The following FBXO7 variants were observed in gnomAD, a reference collection of about 807,000 sequenced individuals.
FBXO7 encodes the protein F-box only protein 7.
In FBXO7, 31 loss-of-function variants were observed where a neutral mutation model predicts 50.2. The observed-to-expected ratio is 0.62, with a 90% CI of 0.46 to 0.83. The LOEUF is 0.83. Ranked by LOEUF, FBXO7 falls within the 40% of genes least tolerant of loss-of-function variation. The pLI is 0.00. For missense variants in FBXO7, 667 were observed against 646.6 expected, an observed-to-expected ratio of 1.03 and a Z score of -0.34; for synonymous variants, 256 against 253.1, an observed-to-expected ratio of 1.01 and a Z score of -0.11.
Position 32,483,971 on chromosome 22 carries a change from T to C in FBXO7, c.492T>C (p.Tyr164=), listed in dbSNP as rs2057481278. 1 of 1,614,212 alleles carries C rather than the reference T, an allele frequency of 6.2e-7. No individual in the cohort carries two copies. The highest frequency in any genetic ancestry group is 8.5e-7 in the Non-Finnish European group (1 of 1,180,028). The change falls in exon 3 of 9, where the codon TAT becomes TAC. Residue 164 remains tyrosine, a synonymous_variant. Coordinates refer to ENST00000266087, the MANE Select transcript of FBXO7 (RefSeq NM_012179.4). The part of the protein sequence containing the change: ...NAHMAEGTGF[Y]PSEPMLCSES... ...ATATGGCAGAGGGCACAGGTTTCTA[T>C]CCCTCAGAACCCATGCTCTGTAGTG...
chr22:32,491,063 T>C (rs2146000114), intron 5 of FBXO7, 23 bp from the exon 6 acceptor site: 1 of 1,578,028 alleles, frequency 6.3e-7, no homozygotes, highest in East Asian at 2.2e-5. Flanking sequence ...TGGGTTTTGA[T>C]TTTACTTTAA....
At chr22:32,475,423 A>G (rs2145984223) in intron 1 of FBXO7, 1 of 1,610,352 alleles carries the variant, frequency 6.2e-7, no homozygotes, top group African/African-American at 1.3e-5. Context: ...CTGGTTTTGC[A>G]GTAAACGGAA....
intron 1 of FBXO7, chr22:32,475,930 G>A (rs190507512): frequency 6.6e-6 from 1 of 152,472 alleles, no homozygotes; most frequent in East Asian, 1.9e-4. Flanking sequence ...ACTTTTTGGG[G>A]ACAATAATTT....
At position 32,498,613 on chromosome 22, in the gene FBXO7, A is replaced by G; in HGVS notation, c.*83A>G. On this transcript the variant is annotated 3_prime_UTR_variant, in exon 9 of 9. Coordinates refer to ENST00000266087, the MANE Select transcript of FBXO7 (RefSeq NM_012179.4). ...TCAACTCCTTGGGGTGCTGATCTCG[A>G]GTGTTATTTTCTGATTGTGGTGTTG... 6.8e-7 allele frequency: 1 copy of G among 1,477,878 alleles called. No individual in the cohort carries two copies. The allele number at this position is 1,477,878 out of a possible 1,614,324, so 91.5% of individuals were successfully genotyped here.
At chr22:32,491,405 A>T in intron 6 of FBXO7, 1 of 478,040 alleles carries the variant, frequency 2.1e-6, no homozygotes, top group South Asian at 2.3e-5. Flanking sequence ...CATGGACTAT[A>T]ATTGTTGATA....
At chr22:32,476,679 GT>G (rs1361595510) in intron 1 of FBXO7, among the ~76,000 whole-genome samples, 1 of 147,730 alleles carries the variant, frequency 6.8e-6, no homozygotes, top group African/African-American at 2.4e-5. Flanking sequence ...TATTTGTTTT[GT>G]TTTTGTTTTT....
Position 32,493,236 on chromosome 22 carries a change from A to C in FBXO7, c.1099A>C (p.Asn367His). The change falls in exon 7 of 9, where the codon AAT (asparagine) becomes CAT (histidine). Residue 367 changes from asparagine to histidine, a missense_variant. Coordinates refer to ENST00000266087, the MANE Select transcript of FBXO7 (RefSeq NM_012179.4). ...AVCRDLFTAS[N>H]DPLLWRFLYL... is the part of the protein sequence containing the mutation. Reference sequence around the variant, plus strand: ...TTGTCGTGACCTCTTTACTGCTTCAAATGACCCACTCCTGTGGAGGTTTTT... The same window carrying C: ...TTGTCGTGACCTCTTTACTGCTTCACATGACCCACTCCTGTGGAGGTTTTT... 6.2e-7 allele frequency: 1 copy of C among 1,614,100 alleles called. No individual in the cohort carries two copies. Among genetic ancestry groups the C allele is most frequent in the Non-Finnish European group, 8.5e-7 (1 of 1,179,976 alleles).
intron 4 of FBXO7, among the ~76,000 whole-genome samples, chr22:32,486,614 G>A (rs532745240): frequency 1.3e-5 from 2 of 152,260 alleles, no homozygotes; most frequent in African/African-American, 4.8e-5. Flanking sequence ...TGGGATTACA[G>A]GTGTGAACCA....
chr22:32,482,509 G>GT (rs945291542), intron 2 of FBXO7, among the ~76,000 whole-genome samples: 31 of 152,102 alleles, frequency 2.0e-4, no homozygotes, highest in African/African-American at 7.2e-4. Flanking sequence ...AGGTAACTTA[G>GT]TTTTTTTTGA....
At chr22:32,495,072 A>G (rs537676602) in intron 7 of FBXO7, among the ~76,000 whole-genome samples, 60 of 152,344 alleles carry the variant, frequency 3.9e-4, no homozygotes, top group African/African-American at 1.4e-3. Context: ...ACCTCCAGTA[A>G]TGAACGTGGG....
rs748046325 is a variant in FBXO7, at chr22:32,479,212, A to G, written c.354A>G (p.Glu118=). ...CCAATCAGACTAGCATGCAGGATGA[A>G]CAACCAAGTGATTCATTCCAAGGAC... ...TSSNQTSMQD[E]QPSDSFQGQA... The change falls in exon 2 of 9, where the codon GAA becomes GAG. Residue 118 remains glutamate, a synonymous_variant. Coordinates refer to ENST00000266087, the MANE Select transcript of FBXO7 (RefSeq NM_012179.4). 19 of 1,614,002 alleles carry G rather than the reference A, an allele frequency of 1.2e-5. No individual in the cohort carries two copies. The African/African-American group carries it at 2.4e-4, about 20-fold the overall frequency.
At chr22:32,496,112 A>G (rs1161198057) in intron 8 of FBXO7, among the ~76,000 whole-genome samples, 1 of 152,202 alleles carries the variant, frequency 6.6e-6, no homozygotes, top group Admixed American at 6.5e-5. Flanking sequence ...CTCTTTTGTT[A>G]GGGGCTAATG....
chr22:32,487,739 T>C lies in FBXO7; in HGVS notation c.788-6T>C. The C allele has an allele frequency of 3.2e-6, 5 of 1,583,744 alleles. No individual in the cohort carries two copies. The highest frequency in any genetic ancestry group is 4.3e-6 in the Non-Finnish European group (5 of 1,153,696). ...TCTTTATCATCTTTCTTTTGTTTAT[T>C]TACAGCTACACTAAAAATCAACAAT... On this transcript the variant is annotated splice_region_variant and splice_polypyrimidine_tract_variant and intron_variant, in intron 4 of 8. Transcript: ENST00000266087.
chr22:32,487,574 G>A, intron 4 of FBXO7, 171 bp from the exon 5 acceptor site: 1 of 585,060 alleles, frequency 1.7e-6, no homozygotes, highest in Non-Finnish European at 3.1e-6. Context: ...GTGATGCCAG[G>A]TTTACACTTT....
chr22:32,474,866 G>A lies in FBXO7; in HGVS notation c.-137G>A, dbSNP rs1306711391. 3 of 842,584 alleles carry A rather than the reference G, an allele frequency of 3.6e-6. No individual in the cohort carries two copies. The African/African-American group carries it at 5.4e-5, about 15-fold the overall frequency. 52.2% of individuals were successfully genotyped at this position (842,584 alleles called of 1,614,324 possible). On this transcript the variant is annotated 5_prime_UTR_variant, in exon 1 of 9. Coordinates refer to ENST00000266087, the MANE Select transcript of FBXO7 (RefSeq NM_012179.4). ...GCCACTGTGGCGGGGCTCTTTCCCC[G>A]TTTCGCCTCAGCTACCCCTCAGCTC...
chr22:32,498,639 A>G lies in FBXO7; in HGVS notation c.*109A>G, dbSNP rs2057594404. Reference sequence around the variant, plus strand: ...GTGTTATTTTCTGATTGTGGTGTTGAGAGTTGCACTCCCAGAAACCTTTTA... The same window carrying G: ...GTGTTATTTTCTGATTGTGGTGTTGGGAGTTGCACTCCCAGAAACCTTTTA... On this transcript the variant is annotated 3_prime_UTR_variant, in exon 9 of 9. Coordinates refer to ENST00000266087, the MANE Select transcript of FBXO7 (RefSeq NM_012179.4). 9.9e-6 allele frequency: 13 copies of G among 1,311,664 alleles called. No individual in the cohort carries two copies. The highest frequency in any genetic ancestry group is 5.0e-5 in the East Asian group (2 of 39,936). 81.3% of individuals were successfully genotyped at this position (1,311,664 alleles called of 1,614,324 possible).
At chr22:32,485,828 GTT>G (rs1356843643) in intron 4 of FBXO7, among the ~76,000 whole-genome samples, 1 of 149,952 alleles carries the variant, frequency 6.7e-6, no homozygotes, top group African/African-American at 2.4e-5. Context: ...CCATCTCTGT[GTT>G]TTAGTTCAGG....
chr22:32,485,322 C>G, intron 4 of FBXO7, 113 bp downstream of exon 4: 1 of 1,316,722 alleles, frequency 7.6e-7, no homozygotes, highest in Non-Finnish European at 1.1e-6. Flanking sequence ...GTGAGTCCTT[C>G]TCAACTGTAT....
At position 32,475,566 on chromosome 22, in the gene FBXO7, C is replaced by G; in HGVS notation, c.122+442C>G. 6 of 880,232 alleles carry G rather than the reference C, an allele frequency of 6.8e-6. No homozygotes were observed. In the South Asian group the frequency reaches 1.3e-4, roughly 19 times the overall value. The allele number at this position is 880,232 out of a possible 1,614,324, so 54.5% of individuals were successfully genotyped here. Reference sequence around the variant, plus strand: ...AATTTCTTCAGCTGTTGGAGTATTTCAATGAAAAAGTTTGGAAATTGCTAG... The same window carrying G: ...AATTTCTTCAGCTGTTGGAGTATTTGAATGAAAAAGTTTGGAAATTGCTAG... On this transcript the variant is annotated intron_variant, in intron 1 of 8. Coordinates refer to ENST00000266087, the MANE Select transcript of FBXO7 (RefSeq NM_012179.4).
Sources: gnomAD v4.1 joint callset for allele counts (sites outside exome capture counted in the v4.1 genomes callset) on GRCh38, gnomAD v4.1.1 for gene constraint, MANE v1.5 for transcripts, NCBI Gene and HGNC (gene_info 2026-07-23, HGNC 2026-07-21) for gene names.